The following KIRREL3 variants were observed in gnomAD, a reference collection of about 807,000 sequenced individuals.
The protein encoded by KIRREL3 is kin of IRRE-like protein 3.
A neutral mutation model predicts 89.7 loss-of-function variants in KIRREL3; 36 were observed. That is an observed-to-expected ratio of 0.40 (90% confidence interval 0.31 to 0.53). The LOEUF (loss-of-function observed/expected upper bound fraction) is 0.53, where lower values mean the gene tolerates loss of function less well. KIRREL3 is among the 20% of genes least tolerant of loss of function. The pLI is 0.49. For synonymous variants in KIRREL3, 445 were observed against 441.4 expected, an observed-to-expected ratio of 1.01 and a Z score of -0.10; for missense variants, 864 against 1,056.6, an observed-to-expected ratio of 0.82 and a Z score of 2.53.
In KIRREL3 at chr11:126,696,008, C is replaced by T. The variant is rs527590824; in HGVS notation, c.56-133096G>A. On this transcript the variant is annotated intron_variant, in intron 1 of 16. Transcript: ENST00000525144. The surrounding 1 kb of genome is among the most constrained non-coding windows in gnomAD (Gnocchi z 4.4). ...GTGGCTTATGCCTGTAATCCCAGCA[C>T]TTTGGGAGGCTGAGGCGGGTGGATT... is the stretch of plus-strand genomic sequence containing the variant. Among the ~76,000 whole-genome samples, 11 of 152,064 alleles carry T rather than the reference C, an allele frequency of 7.2e-5. No individual in the cohort carries two copies. The highest frequency in any genetic ancestry group is 1.3e-4 in the Non-Finnish European group (9 of 68,034).
rs148948864 is a variant in KIRREL3, at chr11:126,566,161, T to A, written c.56-3249A>T. Among the ~76,000 whole-genome samples the A allele has an allele frequency of 2.4e-3, 357 of 151,796 alleles. No individual in the cohort carries two copies. Among genetic ancestry groups the A allele is most frequent in the Middle Eastern group, 0.01 (3 of 292 alleles). ...GGAAAAATAATTACCATGAAAGGAG[T>A]CAGCCCTGGCTTAAAAGGAAAGTTC... is the stretch of plus-strand genomic sequence containing the variant. On this transcript the variant is annotated intron_variant, in intron 1 of 16. Coordinates refer to ENST00000525144, the MANE Select transcript of KIRREL3 (RefSeq NM_032531.4). The surrounding 1 kb of genome is among the most constrained non-coding windows in gnomAD (Gnocchi z 4.9).
At chr11:126,598,934 G>C (rs1360782977) in intron 1 of KIRREL3, among the ~76,000 whole-genome samples, 1 of 152,240 alleles carries the variant, frequency 6.6e-6, no homozygotes, top group Non-Finnish European at 1.5e-5. Flanking sequence ...TTTTGTGCCT[G>C]AGCAGTGGCT....
chr11:126,747,054 C>T lies in KIRREL3; in HGVS notation c.56-184142G>A, dbSNP rs953837349. Reference sequence around the variant, plus strand: ...TCTGCCATCTTGGCTTAAAAACCTCCAGTGGTTCTGAACATCTTCACAAGG... The same window carrying T: ...TCTGCCATCTTGGCTTAAAAACCTCTAGTGGTTCTGAACATCTTCACAAGG... On this transcript the variant is annotated intron_variant, in intron 1 of 16. Transcript: ENST00000525144. The surrounding 1 kb of genome is among the most constrained non-coding windows in gnomAD (Gnocchi z 4.7). Among the ~76,000 whole-genome samples, 3 of 152,210 alleles carry T rather than the reference C, an allele frequency of 2.0e-5. No homozygotes were observed. Among genetic ancestry groups the T allele is most frequent in the Non-Finnish European group, 2.9e-5 (2 of 68,036 alleles).
Position 126,872,576 on chromosome 11 carries a change from C to T in KIRREL3, c.55+127879G>A, listed in dbSNP as rs545975530. On this transcript the variant is annotated intron_variant, in intron 1 of 16. Coordinates refer to ENST00000525144, the MANE Select transcript of KIRREL3 (RefSeq NM_032531.4). This position sits in a 1 kb window ranked among gnomAD's most constrained non-coding sequence, Gnocchi z 4.2. ...ATTTGGGGGCTCACTTCACCTGCAT[C>T]ATTTACATCAAACAGCCCCTCTAAG... Among the ~76,000 whole-genome samples, 2 of 152,356 alleles carry T rather than the reference C, an allele frequency of 1.3e-5. No individual in the cohort carries two copies. The highest frequency in any genetic ancestry group is 3.9e-4 in the East Asian group (2 of 5,182).
intron 1 of KIRREL3, among the ~76,000 whole-genome samples, chr11:126,848,946 G>A (rs547181685): frequency 6.6e-6 from 1 of 152,322 alleles, no homozygotes; most frequent in East Asian, 1.9e-4. Context: ...AGGATTAAGA[G>A]TTCTCTTATA....
chr11:126,629,773 T>C (rs913745102), intron 1 of KIRREL3, among the ~76,000 whole-genome samples: 2 of 152,216 alleles, frequency 1.3e-5, no homozygotes, highest in Non-Finnish European at 2.9e-5. Context: ...TGTCTTTTGA[T>C]TGAAGTCCAC....
rs1946993768 is a variant in KIRREL3, at chr11:126,694,167, A to G, written c.56-131255T>C. Among the ~76,000 whole-genome samples the G allele has an allele frequency of 6.6e-6, 1 of 152,250 alleles. No homozygotes were observed. Among genetic ancestry groups the G allele is most frequent in the Admixed American group, 6.5e-5 (1 of 15,288 alleles). ...CGTTTTTTTTCCTTTCAAAGTCGTCAGGCAGTAAAAGAAAATTGCAGGGAT... is the reference window on the plus strand; with the variant it reads ...CGTTTTTTTTCCTTTCAAAGTCGTCGGGCAGTAAAAGAAAATTGCAGGGAT... On this transcript the variant is annotated intron_variant, in intron 1 of 16. Transcript: ENST00000525144. The surrounding 1 kb of genome is among the most constrained non-coding windows in gnomAD (Gnocchi z 4.4).
Position 126,744,550 on chromosome 11 carries a change from C to A in KIRREL3, c.56-181638G>T, listed in dbSNP as rs962344884. The stretch of plus-strand genomic sequence containing the variant: ...GCAGGTATGGAAGAAGCAGCAGAGA[C>A]CTCAATTTTCAAAGTGTGTATCTGG... On this transcript the variant is annotated intron_variant, in intron 1 of 16. Transcript: ENST00000525144. This position sits in a 1 kb window ranked among gnomAD's most constrained non-coding sequence, Gnocchi z 4.7. Among the ~76,000 whole-genome samples, 1 of 152,122 alleles carries A rather than the reference C, an allele frequency of 6.6e-6. No homozygotes were observed. Among genetic ancestry groups the A allele is most frequent in the Non-Finnish European group, 1.5e-5 (1 of 68,028 alleles).
chr11:126,851,156 C>T (rs559629581), intron 1 of KIRREL3, among the ~76,000 whole-genome samples: 1 of 152,316 alleles, frequency 6.6e-6, no homozygotes, highest in East Asian at 1.9e-4. Context: ...TGTCCAATTA[C>T]ACTTAGGACC....
At chr11:126,949,137 T>G (rs943199601) in intron 1 of KIRREL3, among the ~76,000 whole-genome samples, 1 of 152,238 alleles carries the variant, frequency 6.6e-6, no homozygotes, top group East Asian at 1.9e-4. Context: ...TTGCCTCAGC[T>G]TTCTAAATAT....
In KIRREL3 at chr11:126,707,351, C is replaced by T. The variant is rs576166945; in HGVS notation, c.56-144439G>A. 1.2e-3 allele frequency among the ~76,000 whole-genome samples: 184 copies of T among 150,312 alleles called. 2 individuals carry two copies. The South Asian group carries it at 0.025, about 20-fold the overall frequency. On this transcript the variant is annotated intron_variant, in intron 1 of 16. Transcript: ENST00000525144. ...TTTATGGTTTCGTCTTTCATCTAGG[C>T]GGAATTTGTCTTGCTACAAGGGGTG...
At chr11:126,547,952 G>A (rs976983529) in intron 2 of KIRREL3, among the ~76,000 whole-genome samples, 1 of 152,164 alleles carries the variant, frequency 6.6e-6, no homozygotes, top group Non-Finnish European at 1.5e-5. Flanking sequence ...ATCTGTCTGA[G>A]CCTCTGTTTC....
chr11:126,634,918 A>G (rs7128486), intron 1 of KIRREL3, among the ~76,000 whole-genome samples: 69,242 of 151,848 alleles, frequency 0.46, 16,590 homozygotes, highest in East Asian at 0.73. Context: ...GGAAGTGTGG[A>G]GGGAGGGTAT....
At position 126,897,324 on chromosome 11, in the gene KIRREL3, G is replaced by A. The variant is rs1946205733; in HGVS notation, c.55+103131C>T. On this transcript the variant is annotated intron_variant, in intron 1 of 16. Transcript: ENST00000525144. The surrounding 1 kb of genome is among the most constrained non-coding windows in gnomAD (Gnocchi z 4.2). ...ACTGAGGGGACAGTCATGAGGGGGA[G>A]ATGACACAGTTTAGGACAGGCTTCC... 6.6e-6 allele frequency among the ~76,000 whole-genome samples: 1 copy of A among 152,096 alleles called. No homozygotes were observed. The highest frequency in any genetic ancestry group is 1.5e-5 in the Non-Finnish European group (1 of 68,018).
chr11:126,662,309 C>T (rs1945442251), intron 1 of KIRREL3, among the ~76,000 whole-genome samples: 1 of 152,190 alleles, frequency 6.6e-6, no homozygotes, highest in African/African-American at 2.4e-5. Context: ...ATCAAAGAAA[C>T]CAGAAAACGG....
chr11:126,500,452 G>A (rs556404084), intron 4 of KIRREL3, among the ~76,000 whole-genome samples: 60 of 152,292 alleles, frequency 3.9e-4, no homozygotes, highest in South Asian at 8.3e-4. Flanking sequence ...TTGAAAAACA[G>A]GATGTGGCTG....
chr11:126,631,426 G>C (rs876901), intron 1 of KIRREL3, among the ~76,000 whole-genome samples: 1 of 151,952 alleles, frequency 6.6e-6, no homozygotes, highest in Admixed American at 6.6e-5. Flanking sequence ...ACAGTTTGAA[G>C]TTGTTCATAT....
intron 2 of KIRREL3, among the ~76,000 whole-genome samples, chr11:126,532,538 G>C (rs1162126950): frequency 6.6e-6 from 1 of 152,016 alleles, no homozygotes; most frequent in East Asian, 1.9e-4. Context: ...ACCATGCCTG[G>C]CTAATTTTTG....
In KIRREL3 at chr11:126,668,358, C is replaced by A. The variant is rs1447448923; in HGVS notation, c.56-105446G>T. On this transcript the variant is annotated intron_variant, in intron 1 of 16. Coordinates refer to ENST00000525144, the MANE Select transcript of KIRREL3 (RefSeq NM_032531.4). This position sits in a 1 kb window ranked among gnomAD's most constrained non-coding sequence, Gnocchi z 4.4. The stretch of plus-strand genomic sequence containing the variant: ...CTCCCAAAGGCCTCACCTCCTAATA[C>A]CGTAGCCTTGGAGGTGAGAATTTTA... 6.6e-6 allele frequency among the ~76,000 whole-genome samples: 1 copy of A among 152,154 alleles called. No homozygotes were observed. The highest frequency in any genetic ancestry group is 1.5e-5 in the Non-Finnish European group (1 of 68,042).
Sources: gnomAD v4.1 joint callset for allele counts (sites outside exome capture counted in the v4.1 genomes callset) on GRCh38, gnomAD v4.1.1 for gene constraint, Gnocchi (gnomAD v3.1) non-coding constraint, MANE v1.5 for transcripts, NCBI Gene and HGNC (gene_info 2026-07-23, HGNC 2026-07-21) for gene names.